LINGO2: variants seen among roughly 807,000 people sequenced by gnomAD.
The protein encoded by LINGO2 is leucine-rich repeat and immunoglobulin-like domain-containing nogo receptor-interacting protein 2.
Under a neutral mutation model 30.6 loss-of-function variants are expected in LINGO2, and 14 were observed. That is an observed-to-expected ratio of 0.46 (90% CI 0.30 to 0.72). The LOEUF is 0.72. Ranked by LOEUF, LINGO2 falls within the 30% of genes least tolerant of loss-of-function variation. The pLI is 0.07. For synonymous variants in LINGO2, 317 were observed against 288.5 expected, an observed-to-expected ratio of 1.10 and a Z score of -1.00; for missense variants, 729 against 751.7, an observed-to-expected ratio of 0.97 and a Z score of 0.35.
At chr9:28,982,256 T>C in the LINGO2 span, among the ~76,000 whole-genome samples, 1 of 152,070 alleles carries the variant, frequency 6.6e-6, no homozygotes, top group Admixed American at 6.6e-5. Context: ...GCAACTAAGC[T>C]AAGGAAAAAT....
intron 1 of LINGO2, among the ~76,000 whole-genome samples, chr9:28,635,250 T>A (rs558232907): frequency 6.6e-6 from 1 of 152,314 alleles, no homozygotes; most frequent in South Asian, 2.1e-4. Context: ...CTGTAATTAA[T>A]GGCAAAATGC....
the LINGO2 span, among the ~76,000 whole-genome samples, chr9:29,171,239 A>C: frequency 2.0e-5 from 3 of 152,104 alleles, no homozygotes; most frequent in African/African-American, 4.8e-5. Context: ...ATTTTCATTT[A>C]AGTTCATACT....
At chr9:27,979,190 C>T (rs1352754939) in intron 5 of LINGO2, among the ~76,000 whole-genome samples, 1 of 151,972 alleles carries the variant, frequency 6.6e-6, no homozygotes, top group African/African-American at 2.4e-5. Context: ...ACATCTAAGG[C>T]TGAGTGTGTG....
chr9:28,310,253 T>G lies in LINGO2; in HGVS notation c.-245-14887A>C, dbSNP rs183763012. 1.9e-3 allele frequency among the ~76,000 whole-genome samples: 285 copies of G among 152,272 alleles called. 1 individual carries two copies. Among genetic ancestry groups the G allele is most frequent in the African/African-American group, 6.3e-3 (263 of 41,570 alleles). Reference sequence around the variant, plus strand: ...TTGTCCACAGTCGTTCCTAGAAACTTTTTTGGCAGTTTTCCAAAAGCTGAA... The same window carrying G: ...TTGTCCACAGTCGTTCCTAGAAACTGTTTTGGCAGTTTTCCAAAAGCTGAA... On this transcript the variant is annotated intron_variant, in intron 3 of 5. Transcript: ENST00000379992.
chr9:28,019,403 C>G (rs1454121756), intron 4 of LINGO2, among the ~76,000 whole-genome samples: 2 of 151,138 alleles, frequency 1.3e-5, no homozygotes, highest in East Asian at 3.9e-4. Flanking sequence ...GGTAGGGAAC[C>G]ATGGAAAGAA....
the LINGO2 span, among the ~76,000 whole-genome samples, chr9:28,759,487 C>A: frequency 6.6e-6 from 1 of 151,736 alleles, no homozygotes; most frequent in Non-Finnish European, 1.5e-5. Flanking sequence ...TCGAGACCAT[C>A]CTGGCTAACA....
chr9:28,879,996 A>C, the LINGO2 span, among the ~76,000 whole-genome samples: 1 of 152,214 alleles, frequency 6.6e-6, no homozygotes, highest in Non-Finnish European at 1.5e-5. Flanking sequence ...CATTGAACTT[A>C]AATTATCTCT....
intron 5 of LINGO2, among the ~76,000 whole-genome samples, chr9:27,988,168 C>G (rs1821216946): frequency 1.3e-5 from 2 of 152,012 alleles, no homozygotes; most frequent in African/African-American, 2.4e-5. Context: ...CATGTCCCTA[C>G]AAAGGACATG....
chr9:28,127,213 A>C (rs1278802981), intron 4 of LINGO2, among the ~76,000 whole-genome samples: 2 of 152,150 alleles, frequency 1.3e-5, no homozygotes, highest in Non-Finnish European at 2.9e-5. Context: ...GTATGGCTTT[A>C]TGACTGGTTT....
the LINGO2 span, among the ~76,000 whole-genome samples, chr9:29,105,187 G>T: frequency 1.3e-5 from 2 of 152,096 alleles, no homozygotes; most frequent in African/African-American, 4.8e-5. Flanking sequence ...TAAGTAAGAG[G>T]AGATGCTGTA....
At chr9:28,618,756 C>A (rs932339534) in intron 1 of LINGO2, among the ~76,000 whole-genome samples, 2 of 152,118 alleles carry the variant, frequency 1.3e-5, no homozygotes, top group African/African-American at 4.8e-5. Context: ...AAAGGAGACA[C>A]CAAGTTACTA....
chr9:28,063,121 G>T (rs1825207356), intron 4 of LINGO2, among the ~76,000 whole-genome samples: 1 of 152,100 alleles, frequency 6.6e-6, no homozygotes, highest in Admixed American at 6.6e-5. Flanking sequence ...TCACGAGCAG[G>T]CTAGTTTCTG....
intron 4 of LINGO2, among the ~76,000 whole-genome samples, chr9:28,024,531 G>C (rs1823283904): frequency 6.6e-6 from 1 of 152,178 alleles, no homozygotes; most frequent in African/African-American, 2.4e-5. Context: ...GTAGCAGAGA[G>C]CTCTTTCAGA....
At chr9:29,171,080 A>G in the LINGO2 span, among the ~76,000 whole-genome samples, 4 of 152,038 alleles carry the variant, frequency 2.6e-5, no homozygotes, top group African/African-American at 9.7e-5. Flanking sequence ...AAGGGTCTCA[A>G]TTGTAGTACC....
chr9:28,734,707 C>A, the LINGO2 span, among the ~76,000 whole-genome samples: 6 of 152,106 alleles, frequency 3.9e-5, no homozygotes, highest in African/African-American at 1.4e-4. Flanking sequence ...TGAATTTTGA[C>A]AAACACATTC....
At chr9:29,124,427 T>C in the LINGO2 span, among the ~76,000 whole-genome samples, 2 of 152,098 alleles carry the variant, frequency 1.3e-5, 1 homozygote, top group South Asian at 4.1e-4. Flanking sequence ...CTAATTAAAC[T>C]AAAAAGCTTC....
chr9:28,001,687 A>G (rs768019258), intron 5 of LINGO2, among the ~76,000 whole-genome samples: 1 of 145,378 alleles, frequency 6.9e-6, no homozygotes, highest in African/African-American at 2.4e-5. Flanking sequence ...AGAGAAGAGA[A>G]AGCAGGGGGC....
At position 28,007,563 on chromosome 9, in the gene LINGO2, T is replaced by C. The variant is rs536114916; in HGVS notation, c.-36+4792A>G. Among the ~76,000 whole-genome samples the C allele has an allele frequency of 1.9e-4, 29 of 152,240 alleles. No individual in the cohort carries two copies. In the South Asian group the frequency reaches 6.0e-3, roughly 32 times the overall value. On this transcript the variant is annotated intron_variant, in intron 5 of 5. Coordinates refer to ENST00000379992, the Ensembl canonical transcript of LINGO2. The stretch of plus-strand genomic sequence containing the variant: ...AAAATGGCTCTATTGATAATTAAGA[T>C]AAAATGGCTATGGGGAACCCTCTGT...
chr9:28,352,014 G>C (rs1295278592), intron 3 of LINGO2, among the ~76,000 whole-genome samples: 212 of 144,936 alleles, frequency 1.5e-3, no homozygotes, highest in African/African-American at 2.0e-3. Flanking sequence ...AATAATAAGA[G>C]CTATCTATGA....
Sources: allele counts gnomAD v4.1 joint callset (sites outside exome capture counted in the v4.1 genomes callset), GRCh38; gene constraint gnomAD v4.1.1; transcripts MANE v1.5; gene names NCBI Gene and HGNC (gene_info 2026-07-23, HGNC 2026-07-21).